TRPC3: variants seen among roughly 807,000 people sequenced by gnomAD.
TRPC3 encodes the protein transient receptor potential cation channel subfamily C member 3.
A neutral mutation model predicts 90.9 loss-of-function variants in TRPC3; 54 were observed. That is an observed-to-expected ratio of 0.59 (90% confidence interval 0.48 to 0.75). TRPC3 has a LOEUF of 0.75. Ranked by LOEUF, TRPC3 falls within the 30% of genes least tolerant of loss-of-function variation. The pLI, the probability that TRPC3 is intolerant of heterozygous loss-of-function variation, is 0.00. For missense variants in TRPC3, 918 were observed against 1,194.5 expected (o/e 0.77, Z 3.41); for synonymous variants, 424 against 450.9 (o/e 0.94, Z 0.75).
At chr4:121,935,734 G>A (rs564036856) in intron 1 of TRPC3, among the ~76,000 whole-genome samples, 2 of 151,936 alleles carry the variant, frequency 1.3e-5, no homozygotes, top group East Asian at 3.9e-4. Flanking sequence ...ATACTCAGAG[G>A]GGTTACCTTT....
chr4:121,943,841 C>A (rs887825869), intron 1 of TRPC3, among the ~76,000 whole-genome samples: 7 of 152,124 alleles, frequency 4.6e-5, no homozygotes, highest in African/African-American at 1.7e-4. Flanking sequence ...ACATTTAAGT[C>A]TCATTTTTTA....
chr4:121,933,195 C>A, intron 1 of TRPC3, 153 bp from the exon 2 acceptor site: 1 of 1,335,132 alleles, frequency 7.5e-7, no homozygotes, highest in Non-Finnish European at 9.6e-7. Context: ...GCTAACTACT[C>A]GCCTGAAAGT....
At chr4:121,900,521 C>A (rs138651005) in intron 9 of TRPC3, among the ~76,000 whole-genome samples, 385 of 152,286 alleles carry the variant, frequency 2.5e-3, no homozygotes, top group African/African-American at 7.7e-3. Flanking sequence ...TGTTCTCTTA[C>A]AATTGTGCCT....
At chr4:121,906,580 T>G (rs1375410683) in intron 7 of TRPC3, among the ~76,000 whole-genome samples, 1 of 152,144 alleles carries the variant, frequency 6.6e-6, no homozygotes, top group African/African-American at 2.4e-5. Flanking sequence ...GAGTACTTAC[T>G]GAGTGTATAG....
At chr4:121,880,759 G>A (rs967138788) in intron 11 of TRPC3, among the ~76,000 whole-genome samples, 1 of 152,124 alleles carries the variant, frequency 6.6e-6, no homozygotes, top group African/African-American at 2.4e-5. Context: ...TCTAAGAAAT[G>A]ATTCTTCAAA....
rs564481469 is a variant in TRPC3, at chr4:121,916,500, A to G, written c.1177-1556T>C. ...TAAGCCTCAATGTGATGGGTATTAGAAAGCTAGGCTTTTGGGAGGTAATTA... is the reference window on the plus strand; with the variant it reads ...TAAGCCTCAATGTGATGGGTATTAGGAAGCTAGGCTTTTGGGAGGTAATTA... On this transcript the variant is annotated intron_variant, in intron 3 of 11. Coordinates refer to ENST00000379645, the MANE Select transcript of TRPC3 (RefSeq NM_001130698.2). 2.1e-4 allele frequency among the ~76,000 whole-genome samples: 32 copies of G among 152,292 alleles called. 1 individual carries two copies. In the South Asian group the frequency reaches 2.3e-3, roughly 11 times the overall value.
Position 121,912,103 on chromosome 4 carries a change from AC to A in TRPC3, c.1342-11del. Reference sequence around the variant, plus strand: ...GCAGAATTTTCCCCAGCTGTAACAAACCAAAGAGGAAAAGTTTGCTTCAGAA... The same window carrying A: ...GCAGAATTTTCCCCAGCTGTAACAAACAAAGAGGAAAAGTTTGCTTCAGAA... On this transcript the variant is annotated splice_polypyrimidine_tract_variant and intron_variant, in intron 4 of 11. Coordinates refer to ENST00000379645, the MANE Select transcript of TRPC3 (RefSeq NM_001130698.2). 6.2e-7 allele frequency: 1 copy of A among 1,611,328 alleles called. No homozygotes were observed.
intron 10 of TRPC3, among the ~76,000 whole-genome samples, chr4:121,893,926 A>G (rs191791011): frequency 2.6e-5 from 4 of 152,326 alleles, no homozygotes; most frequent in Non-Finnish European, 5.9e-5. Context: ...GTGAAGATAA[A>G]AACCTTTGGT....
rs11938123 is a variant in TRPC3 at position 121,905,049 on chromosome 4, G to T, written c.2058-532C>A. Among the ~76,000 whole-genome samples the T allele has an allele frequency of 6.2e-4, 94 of 152,188 alleles. 1 individual carries two copies. The highest frequency in any genetic ancestry group is 2.2e-3 in the African/African-American group (91 of 41,520). Reference sequence around the variant, plus strand: ...GTATATCCAGATGATGGAATGCTATGCAGTCACTGTAGGAAAATGAGACAG... The same window carrying T: ...GTATATCCAGATGATGGAATGCTATTCAGTCACTGTAGGAAAATGAGACAG... On this transcript the variant is annotated intron_variant, in intron 7 of 11. Transcript: ENST00000379645.
At position 121,914,809 on chromosome 4, in the gene TRPC3, T is replaced by C; in HGVS notation, c.1312A>G (p.Ile438Val). 1 of 1,612,480 alleles carries C rather than the reference T, an allele frequency of 6.2e-7. No individual in the cohort carries two copies. The highest frequency in any genetic ancestry group is 8.5e-7 in the Non-Finnish European group (1 of 1,178,820). The part of the protein sequence containing the change: ...VVALGLPFLA[I>V]GYWIAPCSRL... ...CTGCAAGGTGCGATCCAGTAGCCAA[T>C]GGCCAGGAATGGAAGGCCCAGGGCC... is the stretch of plus-strand genomic sequence containing the variant. Residue 438 changes from isoleucine (I) to valine (V), a missense_variant, in exon 4 of 12, where the codon ATT becomes GTT. Around this residue, in one of 4 missense-constraint regions of TRPC3, gnomAD observed 609 missense variants for 725.9 expected, o/e 0.84. Coordinates refer to ENST00000379645, the MANE Select transcript of TRPC3 (RefSeq NM_001130698.2).
At position 121,876,538 on chromosome 4, in the gene TRPC3, T is replaced by C. The variant is rs1456801102; in HGVS notation, c.*3198A>G. On this transcript the variant is annotated 3_prime_UTR_variant, in exon 12 of 12. Coordinates refer to ENST00000379645, the MANE Select transcript of TRPC3 (RefSeq NM_001130698.2). ...GTCCATCAGACAATTTATCTTCCCATTTACAAAAGCTGCTTTCACTTGGCT... is the reference window on the plus strand; with the variant it reads ...GTCCATCAGACAATTTATCTTCCCACTTACAAAAGCTGCTTTCACTTGGCT... Among the ~76,000 whole-genome samples the C allele has an allele frequency of 6.6e-6, 1 of 152,194 alleles. No individual in the cohort carries two copies. The highest frequency in any genetic ancestry group is 1.5e-5 in the Non-Finnish European group (1 of 68,024).
intron 1 of TRPC3, among the ~76,000 whole-genome samples, chr4:121,935,716 G>A (rs1436464007): frequency 6.6e-6 from 1 of 151,918 alleles, no homozygotes; most frequent in Non-Finnish European, 1.5e-5. Flanking sequence ...ATATATGTCA[G>A]AATTTCAATA....
chr4:121,932,191 A>G lies in TRPC3; in HGVS notation c.987+80T>C. The G allele has an allele frequency of 2.6e-6, 4 of 1,557,750 alleles. No individual in the cohort carries two copies. The highest frequency in any genetic ancestry group is 3.5e-6 in the Non-Finnish European group (4 of 1,150,790). The stretch of plus-strand genomic sequence containing the variant: ...ACTGGGCAAAACCGAATGTGGAGCG[A>G]ACGGTGGCAGAGCAGGCCAGGCAGC... On this transcript the variant is annotated intron_variant, in intron 2 of 11. Coordinates refer to ENST00000379645, the MANE Select transcript of TRPC3 (RefSeq NM_001130698.2). This position sits in a 1 kb window ranked among gnomAD's most constrained non-coding sequence, Gnocchi z 7.7.
In TRPC3 at chr4:121,877,717, T is replaced by A. The variant is rs528685686; in HGVS notation, c.*2019A>T. ...ATGAAATATTAAAACTATACCAGTT[T>A]GTACATAGTAAATAAAGAAAAAATG... On this transcript the variant is annotated 3_prime_UTR_variant, in exon 12 of 12. Coordinates refer to ENST00000379645, the MANE Select transcript of TRPC3 (RefSeq NM_001130698.2). Among the ~76,000 whole-genome samples the A allele has an allele frequency of 1.3e-5, 2 of 151,362 alleles. No homozygotes were observed. Among genetic ancestry groups the A allele is most frequent in the South Asian group, 4.2e-4 (2 of 4,792 alleles).
intron 5 of TRPC3, among the ~76,000 whole-genome samples, chr4:121,911,458 TAACA>T (rs1240211938): frequency 1.3e-5 from 2 of 152,206 alleles, no homozygotes; most frequent in African/African-American, 4.8e-5. Context: ...CCCAACCTAA[TAACA>T]AACATTCTGA....
Position 121,920,063 on chromosome 4 carries a change from G to A in TRPC3, c.1176+4955C>T, listed in dbSNP as rs534716529. 5.3e-5 allele frequency among the ~76,000 whole-genome samples: 8 copies of A among 152,200 alleles called. No homozygotes were observed. In the East Asian group the frequency reaches 1.2e-3, roughly 22 times the overall value. On this transcript the variant is annotated intron_variant, in intron 3 of 11. Transcript: ENST00000379645. The stretch of plus-strand genomic sequence containing the variant: ...CCATTATTCTAATTAAACAAAATTA[G>A]TGTTTTTGCCTAAAATTTAATTTTC...
At position 121,878,622 on chromosome 4, in the gene TRPC3, T is replaced by C. The variant is rs1474187689; in HGVS notation, c.*1114A>G. Among the ~76,000 whole-genome samples, 1 of 152,180 alleles carries C rather than the reference T, an allele frequency of 6.6e-6. No individual in the cohort carries two copies. The highest frequency in any genetic ancestry group is 2.4e-5 in the African/African-American group (1 of 41,426). ...ATATTACCAGCATTCAGCACAATTA[T>C]GTAATAAGGCATATGTAGATATATC... On this transcript the variant is annotated 3_prime_UTR_variant, in exon 12 of 12. Transcript: ENST00000379645.
chr4:121,932,295 C>T lies in TRPC3; in HGVS notation c.963G>A (p.Leu321=), dbSNP rs1256487805. 6.2e-7 allele frequency: 1 copy of T among 1,613,908 alleles called. No homozygotes were observed. Among genetic ancestry groups the T allele is most frequent in the African/African-American group, 1.3e-5 (1 of 74,904 alleles). ...CCTTGAACTCCTTCTCTATGTTGGCCAGCTTGGCCAGCTCGTTGCTGAGCT... is the reference window on the plus strand; with the variant it reads ...CCTTGAACTCCTTCTCTATGTTGGCTAGCTTGGCCAGCTCGTTGCTGAGCT... The part of the protein sequence containing the change: ...ALELSNELAK[L]ANIEKEFKND... The change falls in exon 2 of 12, where the codon CTG becomes CTA. Residue 321 remains leucine (L), a synonymous_variant. Transcript: ENST00000379645. The surrounding 1 kb of genome is among the most constrained non-coding windows in gnomAD (Gnocchi z 7.7).
At chr4:121,894,280 G>A (rs932864726) in intron 10 of TRPC3, among the ~76,000 whole-genome samples, 9 of 152,026 alleles carry the variant, frequency 5.9e-5, no homozygotes, top group Non-Finnish European at 8.8e-5. Flanking sequence ...ATAATAATAA[G>A]GGGATCAGCT....
Sources: gnomAD v4.1 joint callset for allele counts (sites outside exome capture counted in the v4.1 genomes callset) on GRCh38, gnomAD v4.1.1 for gene constraint, gnomAD v4.1.1 regional missense constraint, Gnocchi (gnomAD v3.1) non-coding constraint, MANE v1.5 for transcripts, NCBI Gene and HGNC (gene_info 2026-07-23, HGNC 2026-07-21) for gene names.